Variants in CNTN5 observed in about 807,000 individuals in gnomAD.
The protein encoded by CNTN5 is contactin-5.
Under a neutral mutation model 129.1 loss-of-function variants are expected in CNTN5, and 77 were observed. The ratio of observed to expected loss-of-function variants is 0.60; its 90% CI spans 0.50 to 0.72. The LOEUF is 0.72. CNTN5 is among the 30% of genes least tolerant of loss of function. The probability of loss-of-function intolerance (pLI) is 0.00; values close to 1 mark genes in which losing one functional copy is unlikely to be tolerated. For synonymous variants in CNTN5, 509 were observed against 465.6 expected (o/e 1.09, Z -1.20); for missense variants, 1,478 against 1,328.8 (o/e 1.11, Z -1.75).
intron 6 of CNTN5, among the ~76,000 whole-genome samples, chr11:99,890,956 A>G (rs1023134337): frequency 1.3e-5 from 2 of 152,124 alleles, no homozygotes; most frequent in East Asian, 1.9e-4. Flanking sequence ...ACCATTGCCA[A>G]TTGAGGGACA....
chr11:99,209,099 A>T (rs1040188423), intron 1 of CNTN5, among the ~76,000 whole-genome samples: 5 of 152,122 alleles, frequency 3.3e-5, no homozygotes, highest in African/African-American at 1.2e-4. Flanking sequence ...TTTGCTGTGA[A>T]TTGACGCTAC....
intron 3 of CNTN5, among the ~76,000 whole-genome samples, chr11:99,765,469 C>G (rs1167846319): frequency 6.6e-6 from 1 of 151,890 alleles, no homozygotes; most frequent in African/African-American, 2.4e-5. Context: ...ATAAGTTAAT[C>G]AGGCTAATCT....
At chr11:99,879,714 T>G (rs1303514446) in intron 6 of CNTN5, among the ~76,000 whole-genome samples, 9 of 152,222 alleles carry the variant, frequency 5.9e-5, no homozygotes, top group African/African-American at 1.7e-4. Context: ...TATTAACACT[T>G]TATTCCATGC....
chr11:99,745,440 A>G (rs1434631814), intron 3 of CNTN5, among the ~76,000 whole-genome samples: 4 of 152,178 alleles, frequency 2.6e-5, no homozygotes, highest in Non-Finnish European at 5.9e-5. Context: ...ATAAGTTAAA[A>G]CTGGGGCTAA....
intron 19 of CNTN5, among the ~76,000 whole-genome samples, chr11:100,298,683 T>C (rs1951150051): frequency 6.6e-6 from 1 of 151,356 alleles, no homozygotes. Flanking sequence ...TTGAATACCA[T>C]AGTCCAACTT....
intron 14 of CNTN5, among the ~76,000 whole-genome samples, chr11:100,192,864 C>A (rs958915746): frequency 1.3e-5 from 2 of 151,902 alleles, no homozygotes; most frequent in Admixed American, 1.3e-4. Flanking sequence ...TTTATATATG[C>A]CAATTAAGCC....
At chr11:100,017,199 T>C (rs1273533345) in intron 9 of CNTN5, among the ~76,000 whole-genome samples, 2 of 151,840 alleles carry the variant, frequency 1.3e-5, no homozygotes, top group Non-Finnish European at 2.9e-5. Flanking sequence ...TACAGAGAAA[T>C]GCAGCCTTCA....
In CNTN5 at chr11:100,356,364, AG is replaced by A. The variant is rs1192869458; in HGVS notation, c.*150del. ...ATACATGGTGAACTTACAGGAGGTT[AG>A]GGGGGAAATATTACTTATCCATCAG... On this transcript the variant is annotated 3_prime_UTR_variant, in exon 25 of 25. Coordinates refer to ENST00000524871, the MANE Select transcript of CNTN5 (RefSeq NM_014361.4). 2.7e-5 allele frequency: 17 copies of A among 635,926 alleles called. No individual in the cohort carries two copies. The highest frequency in any genetic ancestry group is 5.1e-4 in the Middle Eastern group (2 of 3,926). 39.4% of individuals were successfully genotyped at this position (635,926 alleles called of 1,614,324 possible). A position where few individuals can be genotyped will look rare whatever the true frequency, so the allele number is the denominator to read the frequency against.
intron 3 of CNTN5, among the ~76,000 whole-genome samples, chr11:99,791,266 A>G (rs967258214): frequency 6.6e-6 from 1 of 151,918 alleles, no homozygotes; most frequent in African/African-American, 2.4e-5. Flanking sequence ...CCAGGGTTTT[A>G]ATAATTTTAG....
intron 16 of CNTN5, among the ~76,000 whole-genome samples, chr11:100,253,674 A>G (rs542861179): frequency 2.0e-5 from 3 of 152,256 alleles, no homozygotes; most frequent in Non-Finnish European, 2.9e-5. Context: ...AAAACTTGTT[A>G]GACATCTTCT....
chr11:99,526,689 T>C (rs571294167), intron 2 of CNTN5, among the ~76,000 whole-genome samples: 1 of 152,324 alleles, frequency 6.6e-6, no homozygotes, highest in South Asian at 2.1e-4. Context: ...TAATGTTATA[T>C]ACAAGGTGTG....
In CNTN5 at chr11:99,795,223, C is replaced by T. The variant is rs145435059; in HGVS notation, c.56-24321C>T. Reference sequence around the variant, plus strand: ...AGTTTGATCAGTTCTGCTGTTAACACTTGTGATTGTATTATGATATATTTG... The same window carrying T: ...AGTTTGATCAGTTCTGCTGTTAACATTTGTGATTGTATTATGATATATTTG... On this transcript the variant is annotated intron_variant, in intron 3 of 24. Coordinates refer to ENST00000524871, the MANE Select transcript of CNTN5 (RefSeq NM_014361.4). 3.3e-3 allele frequency among the ~76,000 whole-genome samples: 505 copies of T among 152,238 alleles called. 1 individual carries two copies. Among genetic ancestry groups the T allele is most frequent in the Middle Eastern group, 3.4e-3 (1 of 292 alleles).
chr11:99,382,968 T>G (rs969550157), intron 2 of CNTN5, among the ~76,000 whole-genome samples: 10 of 143,894 alleles, frequency 6.9e-5, no homozygotes, highest in Admixed American at 1.4e-4. Context: ...ACAATTCTCC[T>G]GCCTCAGCCT....
chr11:100,123,755 A>T (rs1428676691), intron 13 of CNTN5, among the ~76,000 whole-genome samples: 1 of 152,038 alleles, frequency 6.6e-6, no homozygotes, highest in African/African-American at 2.4e-5. Context: ...TAATGCAATT[A>T]AATGGGTTCG....
intron 6 of CNTN5, among the ~76,000 whole-genome samples, chr11:99,855,622 T>C (rs990901315): frequency 3.3e-5 from 5 of 152,146 alleles, no homozygotes; most frequent in African/African-American, 1.2e-4. Flanking sequence ...AGGCTGAAAT[T>C]AGAAAACAGA....
At chr11:99,631,766 G>A (rs1042883046) in intron 3 of CNTN5, among the ~76,000 whole-genome samples, 1 of 151,918 alleles carries the variant, frequency 6.6e-6, no homozygotes, top group Non-Finnish European at 1.5e-5. Flanking sequence ...ATTTGTATAA[G>A]ATAACAGCAA....
At chr11:100,329,661 A>G (rs1464361099) in intron 21 of CNTN5, among the ~76,000 whole-genome samples, 2 of 152,228 alleles carry the variant, frequency 1.3e-5, no homozygotes, top group African/African-American at 4.8e-5. Flanking sequence ...CTCTTTGCAG[A>G]CAGCCTCCAA....
intron 2 of CNTN5, among the ~76,000 whole-genome samples, chr11:99,414,963 T>C (rs972331382): frequency 7.2e-5 from 11 of 152,194 alleles, no homozygotes; most frequent in South Asian, 2.1e-4. Flanking sequence ...ATCTGAACTA[T>C]TTTATTTTTT....
At chr11:99,441,967 T>G (rs992574051) in intron 2 of CNTN5, among the ~76,000 whole-genome samples, 39 of 152,084 alleles carry the variant, frequency 2.6e-4, no homozygotes, top group Admixed American at 2.6e-3. Flanking sequence ...AGAAGTGAAT[T>G]CCAGGAAAAT....
Sources: gnomAD v4.1 joint callset for allele counts (sites outside exome capture counted in the v4.1 genomes callset) on GRCh38, gnomAD v4.1.1 for gene constraint, MANE v1.5 for transcripts, NCBI Gene and HGNC (gene_info 2026-07-23, HGNC 2026-07-21) for gene names.